ADAMTS2: variants seen among roughly 807,000 people sequenced by gnomAD.
ADAMTS2 encodes the protein ADAM metallopeptidase with thrombospondin type 1 motif 2, also known as A disintegrin and metalloproteinase with thrombospondin motifs 2.
ADAMTS2 carries 50 observed loss-of-function variants against 123.0 expected under a neutral mutation model. The ratio of observed to expected loss-of-function variants is 0.41; its 90% CI spans 0.32 to 0.51. The LOEUF (loss-of-function observed/expected upper bound fraction) is 0.51. Among genes scored for constraint, ADAMTS2 ranks in the 20% least tolerant of loss-of-function variants. The pLI, the probability that ADAMTS2 is intolerant of heterozygous loss-of-function variation, is 0.35. For missense variants in ADAMTS2, 1,494 were observed against 1,705.2 expected (o/e 0.88, Z 2.18); for synonymous variants, 678 against 695.4 (o/e 0.98, Z 0.39).
intron 2 of ADAMTS2, among the ~76,000 whole-genome samples, chr5:179,287,328 C>T (rs764464932): frequency 2.0e-5 from 3 of 152,162 alleles, no homozygotes; most frequent in Non-Finnish European, 4.4e-5. Context: ...CATGGGGACA[C>T]GGGGCAGTGA....
At chr5:179,121,988 A>T in intron 20 of ADAMTS2, 1 of 372,002 alleles carries the variant, frequency 2.7e-6, no homozygotes, top group Non-Finnish European at 4.8e-6. Flanking sequence ...CCTGGCATGC[A>T]GGCCCTGCCG....
intron 2 of ADAMTS2, among the ~76,000 whole-genome samples, chr5:179,275,935 T>G (rs927615931): frequency 1.3e-5 from 2 of 152,172 alleles, no homozygotes; most frequent in African/African-American, 2.4e-5. Flanking sequence ...CGCAGGACCC[T>G]CTGGGCTCAG....
intron 2 of ADAMTS2, among the ~76,000 whole-genome samples, chr5:179,291,905 T>TAAA (rs753434968): frequency 7.4e-6 from 1 of 135,598 alleles, no homozygotes; most frequent in Non-Finnish European, 1.6e-5. Flanking sequence ...GCTAGCTAAT[T>TAAA]TAAAAAAAAA....
rs1236868945 is a variant in ADAMTS2 at position 179,112,442 on chromosome 5, A to G, written c.*1425T>C. 6.6e-6 allele frequency: 1 copy of G among 151,924 alleles called. No individual in the cohort carries two copies. Among genetic ancestry groups the G allele is most frequent in the African/African-American group, 2.4e-5 (1 of 41,358 alleles). The allele number at this position is 151,924 out of a possible 1,614,324, so 9.4% of individuals were successfully genotyped here. On this transcript the variant is annotated 3_prime_UTR_variant, in exon 22 of 22. Coordinates refer to ENST00000251582, the MANE Select transcript of ADAMTS2 (RefSeq NM_014244.5). ...TCCGCCCCTACTCCCCCTTCCTCCT[A>G]TTTCTCTCTTACTCGCATGTTGCTC...
intron 3 of ADAMTS2, among the ~76,000 whole-genome samples, chr5:179,216,214 C>A (rs921936365): frequency 6.6e-6 from 1 of 152,164 alleles, no homozygotes; most frequent in African/African-American, 2.4e-5. Context: ...ATGTGGAGAG[C>A]GACTGAGCCA....
At chr5:179,204,119 C>A (rs1208036312) in intron 4 of ADAMTS2, among the ~76,000 whole-genome samples, 2 of 152,198 alleles carry the variant, frequency 1.3e-5, no homozygotes, top group Admixed American at 6.5e-5. Flanking sequence ...GTTTGATCCA[C>A]TTATGCGAGG....
Position 179,220,132 on chromosome 5 carries a change from C to T in ADAMTS2, c.689-12417G>A, listed in dbSNP as rs535069568. On this transcript the variant is annotated intron_variant, in intron 3 of 21. Coordinates refer to ENST00000251582, the MANE Select transcript of ADAMTS2 (RefSeq NM_014244.5). Reference sequence around the variant, plus strand: ...AATGTCACGGGGGCACCGCAGCACGCGGCAGCCAAGTGGTGGGGGCCGATG... The same window carrying T: ...AATGTCACGGGGGCACCGCAGCACGTGGCAGCCAAGTGGTGGGGGCCGATG... Among the ~76,000 whole-genome samples, 5 of 152,372 alleles carry T rather than the reference C, an allele frequency of 3.3e-5. No homozygotes were observed. In the East Asian group the frequency reaches 9.6e-4, roughly 29 times the overall value.
intron 12 of ADAMTS2, among the ~76,000 whole-genome samples, chr5:179,136,748 A>T (rs1763073070): frequency 6.6e-6 from 1 of 151,352 alleles, no homozygotes; most frequent in Non-Finnish European, 1.5e-5. Flanking sequence ...AGGCAGGCGG[A>T]TCATGACGTC....
At chr5:179,153,752 C>G in intron 8 of ADAMTS2, 129 bp from the exon 9 acceptor site, 1 of 1,366,468 alleles carries the variant, frequency 7.3e-7, no homozygotes, top group Non-Finnish European at 9.9e-7. Flanking sequence ...CCTGGCTGTG[C>G]TGCCTCAGTT....
chr5:179,185,988 C>G lies in ADAMTS2; in HGVS notation c.892-4833G>C, dbSNP rs150084734. ...TCCCTGGTAGCCTTCAACTGTGGTG[C>G]GCTCTCCCTGATCCTCTCCCCAGGA... is the stretch of plus-strand genomic sequence containing the variant. On this transcript the variant is annotated intron_variant, in intron 4 of 21. Transcript: ENST00000251582. The surrounding 1 kb of genome is among the most constrained non-coding windows in gnomAD (Gnocchi z 5.9). 6.6e-6 allele frequency among the ~76,000 whole-genome samples: 1 copy of G among 152,036 alleles called. No individual in the cohort carries two copies. The highest frequency in any genetic ancestry group is 2.1e-4 in the South Asian group (1 of 4,830).
intron 2 of ADAMTS2, among the ~76,000 whole-genome samples, chr5:179,331,723 G>C (rs1258426201): frequency 6.6e-6 from 1 of 152,126 alleles, no homozygotes; most frequent in African/African-American, 2.4e-5. Flanking sequence ...CTCCCTGTCG[G>C]CAGGGCTGAG....
chr5:179,274,050 C>T (rs1766622551), intron 2 of ADAMTS2, among the ~76,000 whole-genome samples: 1 of 151,436 alleles, frequency 6.6e-6, no homozygotes, highest in South Asian at 2.1e-4. Flanking sequence ...TGTGTTCCCC[C>T]TTCGAGGCCT....
At chr5:179,140,597 G>A (rs2113224429) in intron 10 of ADAMTS2, among the ~76,000 whole-genome samples, 1 of 152,250 alleles carries the variant, frequency 6.6e-6, no homozygotes, top group African/African-American at 2.4e-5. Context: ...AGCGTCTACA[G>A]TTTAGGGGAC....
chr5:179,276,301 G>A (rs1347509404), intron 2 of ADAMTS2, among the ~76,000 whole-genome samples: 1 of 152,204 alleles, frequency 6.6e-6, no homozygotes, highest in African/African-American at 2.4e-5. Context: ...AGCACTGATG[G>A]TCCCGGTGCG....
chr5:179,327,028 G>A (rs758000908), intron 2 of ADAMTS2, among the ~76,000 whole-genome samples: 1 of 152,294 alleles, frequency 6.6e-6, no homozygotes, highest in African/African-American at 2.4e-5. Flanking sequence ...GACTCCCAAG[G>A]CACCTGGAAC....
intron 3 of ADAMTS2, among the ~76,000 whole-genome samples, chr5:179,215,680 G>A (rs1442854397): frequency 6.6e-6 from 1 of 152,166 alleles, no homozygotes; most frequent in Non-Finnish European, 1.5e-5. Flanking sequence ...GAAACAGATG[G>A]GCAAGTGGTA....
chr5:179,125,969 T>C, intron 18 of ADAMTS2, 29 bp downstream of exon 18: 1 of 1,612,896 alleles, frequency 6.2e-7, no homozygotes, highest in Non-Finnish European at 8.5e-7. Context: ...CTGTCTCCTC[T>C]AGTGGGAGCC....
At chr5:179,275,386 C>T (rs751742676) in intron 2 of ADAMTS2, among the ~76,000 whole-genome samples, 19 of 152,022 alleles carry the variant, frequency 1.2e-4, no homozygotes, top group Non-Finnish European at 2.5e-4. Context: ...ACCTGGTGGG[C>T]TTCCAGGTCT....
Position 179,317,817 on chromosome 5 carries a change from G to A in ADAMTS2, c.534+25950C>T, listed in dbSNP as rs923136981. ...GCCAGCTGGGGAGAGTGGAGCAGAC[G>A]TACAGGATGGAGGGTAGAGGTGGGG... On this transcript the variant is annotated intron_variant, in intron 2 of 21. Coordinates refer to ENST00000251582, the MANE Select transcript of ADAMTS2 (RefSeq NM_014244.5). The surrounding 1 kb of genome is among the most constrained non-coding windows in gnomAD (Gnocchi z 4.9). Among the ~76,000 whole-genome samples the A allele has an allele frequency of 1.2e-4, 19 of 152,296 alleles. No individual in the cohort carries two copies. Among genetic ancestry groups the A allele is most frequent in the African/African-American group, 3.6e-4 (15 of 41,568 alleles).
Sources: allele counts gnomAD v4.1 joint callset (sites outside exome capture counted in the v4.1 genomes callset), GRCh38; gene constraint gnomAD v4.1.1; non-coding constraint Gnocchi (gnomAD v3.1); transcripts MANE v1.5; gene names NCBI Gene and HGNC (gene_info 2026-07-23, HGNC 2026-07-21).